C3orf20: variants seen among roughly 807,000 people sequenced by gnomAD.
C3orf20 encodes uncharacterized protein C3orf20.
In C3orf20, 76 loss-of-function variants were observed where a neutral mutation model predicts 88.3. The ratio of observed to expected loss-of-function variants is 0.86; its 90% CI spans 0.72 to 1.04. The LOEUF is 1.04. Among genes scored for constraint, C3orf20 ranks in the 50% least tolerant of loss-of-function variants. The pLI, the probability that C3orf20 is intolerant of heterozygous loss-of-function variation, is 0.00. For synonymous variants in C3orf20, 436 were observed against 437.4 expected (o/e 1.00, Z 0.04); for missense variants, 1,056 against 1,123.3 (o/e 0.94, Z 0.86).
chr3:14,717,689 A>G (rs1575121406), intron 9 of C3orf20, among the ~76,000 whole-genome samples: 1 of 152,060 alleles, frequency 6.6e-6, no homozygotes, highest in African/African-American at 2.4e-5. Flanking sequence ...TGAAGATCCA[A>G]GTTTCCCTCT....
chr3:14,681,498 A>G (rs1273092486), intron 1 of C3orf20, among the ~76,000 whole-genome samples: 1 of 152,166 alleles, frequency 6.6e-6, no homozygotes, highest in Admixed American at 6.5e-5. Flanking sequence ...GGGTTGTTGG[A>G]GTTGGGCAAC....
At chr3:14,689,705 C>T (rs1158661122) in intron 4 of C3orf20, among the ~76,000 whole-genome samples, 1 of 151,894 alleles carries the variant, frequency 6.6e-6, no homozygotes, top group African/African-American at 2.4e-5. Context: ...CCTGCCTTTG[C>T]CCTTGGAGTA....
intron 12 of C3orf20, among the ~76,000 whole-genome samples, chr3:14,729,188 T>C (rs1207360765): frequency 6.6e-6 from 1 of 152,158 alleles, no homozygotes; most frequent in Admixed American, 6.5e-5. Flanking sequence ...ACAGAAAATG[T>C]TGCCTGGCAT....
rs769216731 is a variant in C3orf20 at position 14,728,496 on chromosome 3, A to G, written c.1748A>G (p.Lys583Arg). 8 of 1,614,210 alleles carry G rather than the reference A, an allele frequency of 5.0e-6. No homozygotes were observed. The highest frequency in any genetic ancestry group is 6.8e-6 in the Non-Finnish European group (8 of 1,180,008). ...GAGGAGGAAGAATTTGTTCGGTTCAAGATGAGATCCAGAACTCATCCCGAG... is the reference window on the plus strand; with the variant it reads ...GAGGAGGAAGAATTTGTTCGGTTCAGGATGAGATCCAGAACTCATCCCGAG... ...KKEEEEFVRFKMRSRTHPERL... is the reference protein window; with the variant it reads ...KKEEEEFVRFRMRSRTHPERL... Residue 583 changes from lysine to arginine, a missense_variant, in exon 12 of 17, where the codon AAG becomes AGG. Coordinates refer to ENST00000253697, the MANE Select transcript of C3orf20 (RefSeq NM_032137.5).
rs373392001 is a variant in C3orf20, at chr3:14,728,524, G to A, written c.1776G>A (p.Arg592=). ...FKMRSRTHPE[R]LPKLSLYSGE... is the part of the protein sequence containing the mutation. The stretch of plus-strand genomic sequence containing the variant: ...TGAGATCCAGAACTCATCCCGAGCG[G>A]CTCCCCAAGCTAAGTTTATACTCAG... Residue 592 remains arginine (R), a synonymous_variant, in exon 12 of 17, where the codon CGG becomes CGA. Transcript: ENST00000253697. 8 of 1,614,074 alleles carry A rather than the reference G, an allele frequency of 5.0e-6. No homozygotes were observed. Among genetic ancestry groups the A allele is most frequent in the African/African-American group, 1.3e-5 (1 of 74,916 alleles).
chr3:14,681,367 G>T (rs1265763590), intron 1 of C3orf20, among the ~76,000 whole-genome samples: 1 of 152,262 alleles, frequency 6.6e-6, no homozygotes, highest in South Asian at 2.1e-4. Flanking sequence ...ACGTAGGTGT[G>T]TTGGCTGGAG....
chr3:14,747,771 T>C (rs949290283), intron 12 of C3orf20, among the ~76,000 whole-genome samples: 5 of 152,106 alleles, frequency 3.3e-5, no homozygotes, highest in Admixed American at 2.0e-4. Context: ...CACATAGAAA[T>C]CTCAGATTTG....
chr3:14,762,328 G>A (rs183904241), intron 15 of C3orf20, among the ~76,000 whole-genome samples: 2 of 152,350 alleles, frequency 1.3e-5, no homozygotes, highest in East Asian at 3.9e-4. Flanking sequence ...CACCTCCTGG[G>A]CCCAGCTCTC....
intron 12 of C3orf20, among the ~76,000 whole-genome samples, chr3:14,755,241 T>C (rs1021093719): frequency 5.9e-5 from 9 of 152,202 alleles, no homozygotes; most frequent in African/African-American, 2.2e-4. Context: ...TTTGGTTTTT[T>C]GTGTATGTGT....
intron 6 of C3orf20, among the ~76,000 whole-genome samples, chr3:14,703,690 G>A (rs2033376074): frequency 6.6e-6 from 1 of 152,168 alleles, no homozygotes; most frequent in Non-Finnish European, 1.5e-5. Flanking sequence ...CTTACATTTA[G>A]GGCTTTTGTG....
chr3:14,742,457 C>G (rs1047799624), intron 12 of C3orf20, among the ~76,000 whole-genome samples: 3 of 152,194 alleles, frequency 2.0e-5, no homozygotes, highest in African/African-American at 4.8e-5. Context: ...GTCAGAGCCA[C>G]TGTTATGAAT....
intron 7 of C3orf20, among the ~76,000 whole-genome samples, chr3:14,706,912 G>A (rs545895083): frequency 4.3e-4 from 66 of 152,108 alleles, no homozygotes; most frequent in Admixed American, 3.2e-3. Context: ...CTCAGCAGTC[G>A]ATTCTGTTTT....
intron 12 of C3orf20, among the ~76,000 whole-genome samples, chr3:14,744,999 G>A (rs752068114): frequency 6.6e-6 from 1 of 152,192 alleles, no homozygotes; most frequent in African/African-American, 2.4e-5. Context: ...TTGTGAAAAT[G>A]TGCTTTTTAA....
chr3:14,744,952 C>G (rs953236707), intron 12 of C3orf20, among the ~76,000 whole-genome samples: 6 of 152,228 alleles, frequency 3.9e-5, no homozygotes, highest in African/African-American at 1.2e-4. Context: ...CCTGTGTACT[C>G]TCCATGTTCC....
chr3:14,689,839 C>T (rs1044874045), intron 4 of C3orf20, among the ~76,000 whole-genome samples, 158 bp from the exon 5 acceptor site: 1 of 152,180 alleles, frequency 6.6e-6, no homozygotes, highest in Non-Finnish European at 1.5e-5. Context: ...CGGTGCATTG[C>T]AAAATCTTCT....
At chr3:14,696,687 A>AT (rs897581874) in intron 5 of C3orf20, among the ~76,000 whole-genome samples, 3 of 151,654 alleles carry the variant, frequency 2.0e-5, no homozygotes, top group Non-Finnish European at 2.9e-5. Flanking sequence ...TGTAGCTATT[A>AT]TTTTTTATGA....
At chr3:14,726,301 C>A (rs568876314) in intron 10 of C3orf20, among the ~76,000 whole-genome samples, 12 of 152,322 alleles carry the variant, frequency 7.9e-5, no homozygotes, top group African/African-American at 2.9e-4. Context: ...CCTGCAATTA[C>A]CAGTCAGCTT....
rs117075922 is a variant in C3orf20, at chr3:14,746,720, A to G, written c.1941-10651A>G. On this transcript the variant is annotated intron_variant, in intron 12 of 16. Transcript: ENST00000253697. Reference sequence around the variant, plus strand: ...AGCAACAAAGAGGCCATAAGGAAGGAAAAAAACTTTCTTTGGGCAGTTTTG... The same window carrying G: ...AGCAACAAAGAGGCCATAAGGAAGGGAAAAAACTTTCTTTGGGCAGTTTTG... 5.0e-4 allele frequency among the ~76,000 whole-genome samples: 76 copies of G among 152,296 alleles called. No individual in the cohort carries two copies. In the East Asian group the frequency reaches 0.013, roughly 26 times the overall value.
intron 7 of C3orf20, 63 bp downstream of exon 7, chr3:14,704,681 T>C: frequency 1.3e-6 from 2 of 1,573,000 alleles, no homozygotes; most frequent in South Asian, 2.3e-5. Flanking sequence ...AGTCCAGGAC[T>C]TGATACAGCC....
Sources: allele counts gnomAD v4.1 joint callset (sites outside exome capture counted in the v4.1 genomes callset), GRCh38; gene constraint gnomAD v4.1.1; transcripts MANE v1.5; gene names NCBI Gene and HGNC (gene_info 2026-07-23, HGNC 2026-07-21).